Variants in CANX observed in about 807,000 individuals in gnomAD.
The protein encoded by CANX is epididymis secretory sperm binding protein.
CANX carries 14 observed loss-of-function variants against 75.7 expected under a neutral mutation model. That is an observed-to-expected ratio of 0.19 (90% confidence interval 0.12 to 0.29). The LOEUF is 0.29. Among genes scored for constraint, CANX ranks in the 10% least tolerant of loss-of-function variants. The probability of loss-of-function intolerance (pLI) is 1.00; values close to 1 mark genes in which losing one functional copy is unlikely to be tolerated. For missense variants in CANX, 567 were observed against 713.2 expected, an observed-to-expected ratio of 0.79 and a Z score of 2.34; for synonymous variants, 227 against 236.9, an observed-to-expected ratio of 0.96 and a Z score of 0.38.
At chr5:179,680,751 C>T in intron 1 of CANX, 1 of 695,188 alleles carries the variant, frequency 1.4e-6, no homozygotes, top group Admixed American at 2.5e-5. Context: ...TCTAATTCCT[C>T]TTCTGCCCAT....
chr5:179,723,842 A>G (rs1778471512), intron 12 of CANX, 63 bp downstream of exon 12: 2 of 1,438,848 alleles, frequency 1.4e-6, no homozygotes, highest in Non-Finnish European at 1.9e-6. Context: ...ATTAAAAATA[A>G]CTAAGATATG....
At chr5:179,708,445 CTT>C in intron 5 of CANX, 65 bp downstream of exon 5, 7 of 1,427,814 alleles carry the variant, frequency 4.9e-6, no homozygotes, top group Non-Finnish European at 6.7e-6. Flanking sequence ...CATTATGTAA[CTT>C]TTACTCTATG....
upstream of CANX, chr5:179,698,560 G>A (rs1776493331): frequency 7.8e-7 from 1 of 1,289,308 alleles, no homozygotes; most frequent in Admixed American, 2.3e-5. Flanking sequence ...CGTCAGCGAA[G>A]GGCGCGCGAT....
At chr5:179,680,094 A>G (rs1271878318) in intron 1 of CANX, among the ~76,000 whole-genome samples, 1 of 150,200 alleles carries the variant, frequency 6.7e-6, no homozygotes, top group Non-Finnish European at 1.5e-5. Context: ...TACAGGTGTG[A>G]GCCACTGTAC....
chr5:179,680,033 G>T (rs865882819), intron 1 of CANX, among the ~76,000 whole-genome samples: 1 of 134,800 alleles, frequency 7.4e-6, no homozygotes, highest in African/African-American at 2.8e-5. Flanking sequence ...GGCTGGTCTC[G>T]AACTCCGGAC....
At chr5:179,707,416 C>T (rs1297167531) in intron 4 of CANX, among the ~76,000 whole-genome samples, 1 of 152,034 alleles carries the variant, frequency 6.6e-6, no homozygotes, top group Admixed American at 6.6e-5. Context: ...AACCCCGTCT[C>T]TACTGAAAAT....
chr5:179,728,286 AG>A (rs2113296568), intron 14 of CANX, among the ~76,000 whole-genome samples: 1 of 152,322 alleles, frequency 6.6e-6, no homozygotes, highest in Non-Finnish European at 1.5e-5. Flanking sequence ...ATAGGCCAGT[AG>A]ATTGTTTGGG....
At chr5:179,693,226 A>AT (rs1776331764) in intron 1 of CANX, among the ~76,000 whole-genome samples, 1 of 152,036 alleles carries the variant, frequency 6.6e-6, no homozygotes, top group South Asian at 2.1e-4. Flanking sequence ...AAGGAAAAAA[A>AT]ATATATATGG....
rs1337471867 is a variant in CANX, at chr5:179,684,933, T to G, written c.-4+6156T>G. Among the ~76,000 whole-genome samples the G allele has an allele frequency of 8.6e-4, 106 of 123,898 alleles. 2 individuals are homozygous for G. The East Asian group carries it at 0.021, about 25-fold the overall frequency. The allele number at this position is 123,898 out of a possible 152,430, so 81.3% of individuals were successfully genotyped here. A position where few individuals can be genotyped will look rare whatever the true frequency, so the allele number is the denominator to read the frequency against. ...ACACCTGGCTAATTTTGTATTTTTT[T>G]TTTTTTTTTTTTTTTTTTTTTTTAC... On this transcript the variant is annotated intron_variant, in intron 1 of 14. Coordinates refer to the CANX transcript ENST00000681674.
Position 179,706,099 on chromosome 5 carries a change from C to T in CANX, c.172-159C>T, listed in dbSNP as rs145670289. Among the ~76,000 whole-genome samples the T allele has an allele frequency of 5.6e-3, 854 of 152,314 alleles. 10 individuals are homozygous for T. Among genetic ancestry groups the T allele is most frequent in the African/African-American group, 0.015 (637 of 41,568 alleles). On this transcript the variant is annotated intron_variant, in intron 2 of 14. Transcript: ENST00000247461. ...TGAAAATACTTATTGATCTCTCTGG[C>T]AGCCTTTGTCTTGCTAGAGGCCAAT...
At chr5:179,707,006 G>T in intron 3 of CANX, 126 bp from the exon 4 acceptor site, 3 of 645,322 alleles carry the variant, frequency 4.6e-6, no homozygotes, top group Non-Finnish European at 8.5e-6. Flanking sequence ...CAGATTTAAA[G>T]GTTGGAAGTA....
rs771091647 is a variant in CANX at position 179,705,665 on chromosome 5, C to A, written c.-3-14C>A. ...GTGGCAATACATTTAACTGATTTTGCTCTTTATGTGTAGATCATGGAAGGG... is the reference window on the plus strand; with the variant it reads ...GTGGCAATACATTTAACTGATTTTGATCTTTATGTGTAGATCATGGAAGGG... On this transcript the variant is annotated splice_polypyrimidine_tract_variant and intron_variant, in intron 1 of 14. Coordinates refer to ENST00000247461, the MANE Select transcript of CANX (RefSeq NM_001746.4). The A allele has an allele frequency of 3.1e-5, 50 of 1,600,390 alleles. No individual in the cohort carries two copies. Among genetic ancestry groups the A allele is most frequent in the Non-Finnish European group, 4.2e-5 (49 of 1,170,608 alleles).
At chr5:179,714,524 A>G (rs572079899) in intron 7 of CANX, among the ~76,000 whole-genome samples, 1 of 146,090 alleles carries the variant, frequency 6.8e-6, no homozygotes, top group Admixed American at 6.8e-5. Flanking sequence ...ATTTATTTTT[A>G]TTTTTTTTTT....
chr5:179,726,204 C>G (rs1209373143), intron 13 of CANX, among the ~76,000 whole-genome samples: 1 of 151,862 alleles, frequency 6.6e-6, no homozygotes, highest in Admixed American at 6.6e-5. Flanking sequence ...AGGAGATCCA[C>G]TTGAACCTGG....
intron 1 of CANX, 32 bp from the exon 2 acceptor site, chr5:179,705,647 T>A (rs756587021): frequency 6.4e-7 from 1 of 1,558,634 alleles, no homozygotes; most frequent in Admixed American, 1.7e-5. Context: ...TAGGTGGCAA[T>A]ACATTTAACT....
intron 1 of CANX, among the ~76,000 whole-genome samples, chr5:179,684,926 ATTTTT>A (rs71001039): frequency 1.6e-4 from 8 of 49,148 alleles, no homozygotes; most frequent in South Asian, 2.3e-3. Context: ...CTAATTTTGT[ATTTTT>A]TTTTTTTTTT....
intron 11 of CANX, 37 bp downstream of exon 11, chr5:179,723,056 T>C: frequency 6.5e-7 from 1 of 1,534,980 alleles, no homozygotes. Context: ...TGTCTGTTAT[T>C]GTAAGGAGCT....
rs755120200 is a variant in CANX at position 179,706,336 on chromosome 5, G to C, written c.245+5G>C. The stretch of plus-strand genomic sequence containing the variant: ...TGACAGAGGAACTCTGTCAGGGTAA[G>C]TGTTTTCCAGAGAAATATATGTTAG... On this transcript the variant is annotated splice_donor_5th_base_variant and intron_variant, in intron 3 of 14. Transcript: ENST00000247461. 6.6e-7 allele frequency: 1 copy of C among 1,519,924 alleles called. No homozygotes were observed. The highest frequency in any genetic ancestry group is 2.3e-5 in the East Asian group (1 of 44,248). 94.2% of individuals were successfully genotyped at this position (1,519,924 alleles called of 1,614,324 possible).
intron 1 of CANX, among the ~76,000 whole-genome samples, chr5:179,684,919 A>ATTTTTTTTTTT (rs1562433057): frequency 1.0e-4 from 10 of 95,260 alleles, no homozygotes; most frequent in African/African-American, 3.8e-4. Context: ...CACCTGGCTA[A>ATTTTTTTTTTT]TTTTGTATTT....
Sources: allele counts gnomAD v4.1 joint callset (sites outside exome capture counted in the v4.1 genomes callset), GRCh38; gene constraint gnomAD v4.1.1; transcripts MANE v1.5; gene names NCBI Gene and HGNC (gene_info 2026-07-23, HGNC 2026-07-21).